Variants in USP6NL observed in about 807,000 individuals in gnomAD.
USP6NL encodes USP6 N-terminal-like protein.
In USP6NL, 26 loss-of-function variants were observed where a neutral mutation model predicts 61.9. The ratio of observed to expected loss-of-function variants is 0.42; its 90% CI spans 0.31 to 0.58. The LOEUF (loss-of-function observed/expected upper bound fraction) is 0.58, where lower values mean the gene tolerates loss of function less well. USP6NL is among the 20% of genes least tolerant of loss of function. The probability of loss-of-function intolerance (pLI) is 0.16; values close to 1 mark genes in which losing one functional copy is unlikely to be tolerated. For missense variants in USP6NL, 1,114 were observed against 1,034.3 expected, an observed-to-expected ratio of 1.08 and a Z score of -1.06; for synonymous variants, 432 against 390.1, an observed-to-expected ratio of 1.11 and a Z score of -1.27.
At chr10:11,480,956 A>T (rs1223909564) in intron 14 of USP6NL, among the ~76,000 whole-genome samples, 1 of 152,202 alleles carries the variant, frequency 6.6e-6, no homozygotes, top group African/African-American at 2.4e-5. Flanking sequence ...AGAAACTTTG[A>T]AAGTTATTCC....
At chr10:11,557,946 A>T (rs1836777830) in intron 2 of USP6NL, among the ~76,000 whole-genome samples, 1 of 152,206 alleles carries the variant, frequency 6.6e-6, no homozygotes, top group Non-Finnish European at 1.5e-5. Flanking sequence ...CGCGGAAGGT[A>T]TGAGAAAAAA....
intron 2 of USP6NL, among the ~76,000 whole-genome samples, chr10:11,590,989 C>G (rs1216752926): frequency 6.6e-6 from 1 of 152,130 alleles, no homozygotes; most frequent in Non-Finnish European, 1.5e-5. Flanking sequence ...TGAAAATTTT[C>G]TCACTGACTT....
At chr10:11,567,598 T>C (rs1039037182) in intron 2 of USP6NL, among the ~76,000 whole-genome samples, 2 of 152,230 alleles carry the variant, frequency 1.3e-5, no homozygotes, top group Non-Finnish European at 2.9e-5. Flanking sequence ...CAAACATCAC[T>C]ATATTGAAAC....
chr10:11,585,531 G>A lies in USP6NL; in HGVS notation c.4+12100C>T, dbSNP rs749055886. Among the ~76,000 whole-genome samples the A allele has an allele frequency of 3.4e-4, 51 of 152,186 alleles. No individual in the cohort carries two copies. Among genetic ancestry groups the A allele is most frequent in the Non-Finnish European group, 5.3e-4 (36 of 68,000 alleles). The stretch of plus-strand genomic sequence containing the variant: ...CAAAAAATTAGCTGGGCGTGGTGGC[G>A]GGCACCTGTACTCCCAGCTACTCGG... On this transcript the variant is annotated intron_variant, in intron 2 of 14. Coordinates refer to ENST00000609104, the MANE Select transcript of USP6NL (RefSeq NM_014688.5). This position sits in a 1 kb window ranked among gnomAD's most constrained non-coding sequence, Gnocchi z 4.5.
At chr10:11,539,073 G>A in intron 2 of USP6NL, among the ~76,000 whole-genome samples, 1 of 152,206 alleles carries the variant, frequency 6.6e-6, no homozygotes, top group African/African-American at 2.4e-5. Flanking sequence ...GGGGCAGAAG[G>A]ACATGTGGGG....
intron 2 of USP6NL, 77 bp from the exon 3 acceptor site, chr10:11,527,644 T>A: frequency 1.5e-6 from 2 of 1,291,304 alleles, no homozygotes; most frequent in Admixed American, 4.8e-5. Flanking sequence ...AACTAAGACA[T>A]AATAAAACAA....
chr10:11,479,553 G>A lies in USP6NL; in HGVS notation c.1078+2217C>T, dbSNP rs1232732571. ...GTAAGGAGTCAAAAGGAAGTGGCAT[G>A]TTCATGTAGGTGTTTTTTTTTTTTT... On this transcript the variant is annotated intron_variant, in intron 14 of 14. Coordinates refer to ENST00000609104, the MANE Select transcript of USP6NL (RefSeq NM_014688.5). Among the ~76,000 whole-genome samples, 3 of 147,832 alleles carry A rather than the reference G, an allele frequency of 2.0e-5. No individual in the cohort carries two copies. In the East Asian group the frequency reaches 6.0e-4, roughly 30 times the overall value.
intron 2 of USP6NL, among the ~76,000 whole-genome samples, chr10:11,558,730 A>G (rs769182421): frequency 1.3e-5 from 2 of 152,250 alleles, no homozygotes; most frequent in Non-Finnish European, 2.9e-5. Flanking sequence ...AATGAAATTT[A>G]AAGTAAACTC....
At chr10:11,514,928 T>C (rs556372679) in intron 5 of USP6NL, among the ~76,000 whole-genome samples, 4 of 152,224 alleles carry the variant, frequency 2.6e-5, no homozygotes, top group Non-Finnish European at 5.9e-5. Context: ...AAGAAAATGC[T>C]ACACTGCTGT....
At chr10:11,578,215 C>T (rs1352195288) in intron 2 of USP6NL, among the ~76,000 whole-genome samples, 3 of 152,104 alleles carry the variant, frequency 2.0e-5, no homozygotes, top group Admixed American at 6.5e-5. Context: ...GCAATCCGCC[C>T]GCCTCAGCCT....
rs1411164548 is a variant in USP6NL, at chr10:11,470,553, A to G, written c.1079-6704T>C. Among the ~76,000 whole-genome samples the G allele has an allele frequency of 1.3e-5, 2 of 152,234 alleles. No homozygotes were observed. Among genetic ancestry groups the G allele is most frequent in the Non-Finnish European group, 2.9e-5 (2 of 68,046 alleles). On this transcript the variant is annotated intron_variant, in intron 14 of 14. Coordinates refer to ENST00000609104, the MANE Select transcript of USP6NL (RefSeq NM_014688.5). The surrounding 1 kb of genome is among the most constrained non-coding windows in gnomAD (Gnocchi z 5.4). ...ATTAGTATTCTCTACCCTTCTTCAC[A>G]GAAGTAGGTCCAAATAAAGCATTCA...
At chr10:11,609,964 G>A (rs1838835005) in intron 1 of USP6NL, among the ~76,000 whole-genome samples, 2 of 152,192 alleles carry the variant, frequency 1.3e-5, no homozygotes, top group Admixed American at 1.3e-4. Context: ...GAGTCTGGCT[G>A]CATAGCTAAA....
intron 1 of USP6NL, among the ~76,000 whole-genome samples, chr10:11,601,941 C>T (rs1588425436): frequency 1.3e-5 from 2 of 152,044 alleles, no homozygotes; most frequent in Admixed American, 6.6e-5. Context: ...TTCCTAGATC[C>T]TGTTTTTCTA....
intron 5 of USP6NL, 78 bp from the exon 6 acceptor site, chr10:11,509,753 C>G: frequency 8.0e-7 from 1 of 1,253,058 alleles, no homozygotes; most frequent in Non-Finnish European, 1.1e-6. Flanking sequence ...AAAGAAAATG[C>G]TTCTAAAAAA....
At chr10:11,536,865 C>G (rs1835855804) in intron 2 of USP6NL, among the ~76,000 whole-genome samples, 1 of 152,196 alleles carries the variant, frequency 6.6e-6, no homozygotes, top group African/African-American at 2.4e-5. Flanking sequence ...TTAGAAAAAT[C>G]ATTTGGCTTC....
At chr10:11,547,893 G>A (rs541842747) in intron 2 of USP6NL, among the ~76,000 whole-genome samples, 1 of 152,280 alleles carries the variant, frequency 6.6e-6, no homozygotes, top group East Asian at 1.9e-4. Flanking sequence ...GTAAAGTCTT[G>A]AGGACAAAAC....
intron 2 of USP6NL, chr10:11,564,393 A>T (rs1837047143): frequency 6.6e-6 from 1 of 152,238 alleles, no homozygotes; most frequent in Admixed American, 6.5e-5. Context: ...TAAAGCAAGA[A>T]TCGAATCCTC....
At chr10:11,494,433 G>GT (rs534351336) in intron 7 of USP6NL, among the ~76,000 whole-genome samples, 141 of 152,232 alleles carry the variant, frequency 9.3e-4, no homozygotes, top group Middle Eastern at 6.8e-3. Flanking sequence ...TTCCCTTCCT[G>GT]TAGGGTCCAG....
chr10:11,580,486 G>A (rs1028233861), intron 2 of USP6NL, among the ~76,000 whole-genome samples: 2 of 152,016 alleles, frequency 1.3e-5, no homozygotes, highest in African/African-American at 4.8e-5. Context: ...CGAAATGTCC[G>A]ACAACAAGAA....
Sources: allele counts gnomAD v4.1 joint callset (sites outside exome capture counted in the v4.1 genomes callset), GRCh38; gene constraint gnomAD v4.1.1; non-coding constraint Gnocchi (gnomAD v3.1); transcripts MANE v1.5; gene names NCBI Gene and HGNC (gene_info 2026-07-23, HGNC 2026-07-21).